Variants in ASCC3 observed in about 807,000 individuals in gnomAD.
ASCC3 encodes activating signal cointegrator 1 complex subunit 3, also known as ASC-1 complex subunit P200.
Under a neutral mutation model 256.3 loss-of-function variants are expected in ASCC3, and 158 were observed. That is an observed-to-expected ratio of 0.62 (90% CI 0.54 to 0.70). The LOEUF is 0.70. Among genes scored for constraint, ASCC3 ranks in the 30% least tolerant of loss-of-function variants. ASCC3 has a pLI of 0.00. For missense variants in ASCC3, 2,259 were observed against 2,626.0 expected, an observed-to-expected ratio of 0.86 and a Z score of 3.05; for synonymous variants, 948 against 883.4, an observed-to-expected ratio of 1.07 and a Z score of -1.30.
At chr6:100,551,424 C>T (rs1468568663) in intron 36 of ASCC3, among the ~76,000 whole-genome samples, 1 of 151,138 alleles carries the variant, frequency 6.6e-6, no homozygotes, top group Non-Finnish European at 1.5e-5. Flanking sequence ...AATTGAAAGA[C>T]AATCAAAATG....
intron 10 of ASCC3, among the ~76,000 whole-genome samples, chr6:100,757,216 G>A (rs1010557392): frequency 1.2e-4 from 17 of 144,404 alleles, no homozygotes; most frequent in African/African-American, 4.2e-4. Context: ...AAACAGTGTA[G>A]TCCTCAAGGA....
intron 37 of ASCC3, among the ~76,000 whole-genome samples, chr6:100,520,614 T>C (rs1446203815): frequency 6.6e-6 from 1 of 152,148 alleles, no homozygotes; most frequent in Non-Finnish European, 1.5e-5. Flanking sequence ...TGAACCTGCA[T>C]ATACAACAGT....
Position 100,653,476 on chromosome 6 carries a change from A to G in ASCC3, c.2824-587T>C, listed in dbSNP as rs535914914. ...AACAAGGAGAAACCCCATCTCTACT[A>G]AAAATACAAAAATTAGCTGGGTATG... On this transcript the variant is annotated intron_variant, in intron 17 of 41. Coordinates refer to ENST00000369162, the MANE Select transcript of ASCC3 (RefSeq NM_006828.4). 7.2e-5 allele frequency among the ~76,000 whole-genome samples: 11 copies of G among 152,010 alleles called. No homozygotes were observed. In the East Asian group the frequency reaches 2.0e-3, roughly 27 times the overall value.
chr6:100,685,087 G>C (rs368957432), intron 13 of ASCC3, among the ~76,000 whole-genome samples: 6 of 152,076 alleles, frequency 3.9e-5, no homozygotes, highest in African/African-American at 1.4e-4. Flanking sequence ...GATTACAGGC[G>C]TGAGCCACCA....
chr6:100,635,863 T>C (rs1774817397), intron 25 of ASCC3, among the ~76,000 whole-genome samples: 2 of 152,176 alleles, frequency 1.3e-5, no homozygotes, highest in African/African-American at 4.8e-5. Context: ...TTAATATGTA[T>C]AATCAAACTA....
intron 17 of ASCC3, among the ~76,000 whole-genome samples, chr6:100,654,016 T>C (rs1281358859): frequency 2.0e-5 from 3 of 152,084 alleles, no homozygotes; most frequent in East Asian, 1.9e-4. Flanking sequence ...AGCTTATTTA[T>C]GTACAAAATA....
chr6:100,544,927 A>G (rs1775636343), intron 36 of ASCC3, among the ~76,000 whole-genome samples: 1 of 152,226 alleles, frequency 6.6e-6, no homozygotes, highest in Non-Finnish European at 1.5e-5. Flanking sequence ...TAGCAAATTT[A>G]ACAATATATA....
At chr6:100,852,276 G>C (rs1772719438) in intron 3 of ASCC3, among the ~76,000 whole-genome samples, 1 of 152,180 alleles carries the variant, frequency 6.6e-6, no homozygotes, top group Non-Finnish European at 1.5e-5. Flanking sequence ...AATGTAATTG[G>C]AAGGGAAACA....
intron 10 of ASCC3, among the ~76,000 whole-genome samples, chr6:100,763,962 A>G (rs1051913858): frequency 6.6e-6 from 1 of 151,884 alleles, no homozygotes; most frequent in Non-Finnish European, 1.5e-5. Flanking sequence ...GTCTAAGTAG[A>G]TTTTTTTGGT....
intron 10 of ASCC3, among the ~76,000 whole-genome samples, chr6:100,746,102 A>G: frequency 6.9e-6 from 1 of 145,286 alleles, no homozygotes; most frequent in Non-Finnish European, 1.5e-5. Context: ...CATGTATAAA[A>G]TCAGTTAACT....
chr6:100,821,934 C>T lies in ASCC3; in HGVS notation c.802-16054G>A, dbSNP rs559503136. 5.3e-5 allele frequency among the ~76,000 whole-genome samples: 8 copies of T among 152,188 alleles called. No individual in the cohort carries two copies. In the South Asian group the frequency reaches 1.0e-3, roughly 20 times the overall value. Reference sequence around the variant, plus strand: ...TCAAGAAAGACCATATTAGATGATTCCATTTGTACAAAGTGTCCAAAATGG... The same window carrying T: ...TCAAGAAAGACCATATTAGATGATTTCATTTGTACAAAGTGTCCAAAATGG... On this transcript the variant is annotated intron_variant, in intron 4 of 41. Transcript: ENST00000369162.
At chr6:100,763,991 A>G (rs1226694712) in intron 10 of ASCC3, among the ~76,000 whole-genome samples, 1 of 152,182 alleles carries the variant, frequency 6.6e-6, no homozygotes, top group Non-Finnish European at 1.5e-5. Flanking sequence ...CTGCTCCTGT[A>G]AAATGGAGGT....
intron 1 of ASCC3, among the ~76,000 whole-genome samples, chr6:100,873,318 C>T (rs1773840565): frequency 6.6e-6 from 1 of 152,002 alleles, no homozygotes; most frequent in Admixed American, 6.6e-5. Context: ...CCCAATCCAA[C>T]AAAGGCAAAT....
chr6:100,839,068 C>T (rs1772016371), intron 4 of ASCC3, among the ~76,000 whole-genome samples: 1 of 151,888 alleles, frequency 6.6e-6, no homozygotes, highest in Admixed American at 6.6e-5. Context: ...TTATTTCTTC[C>T]CCATATCAAT....
Position 100,805,808 on chromosome 6 carries a change from C to T in ASCC3, c.874G>A (p.Asp292Asn). 1 of 1,611,318 alleles carries T rather than the reference C, an allele frequency of 6.2e-7. No individual in the cohort carries two copies. Among genetic ancestry groups the T allele is most frequent in the South Asian group, 1.1e-5 (1 of 90,988 alleles). ...KLLQNRITIV[D>N]RFLNSSNDHR... The stretch of plus-strand genomic sequence containing the variant: ...TCATTTGAAGAATTAAGAAATCTAT[C>T]CACAATTGTAATTCTGTTCTGGAGG... Residue 292 changes from aspartate (D) to asparagine (N), a missense_variant, in exon 5 of 42, where the codon GAT becomes AAT. Transcript: ENST00000369162.
intron 1 of ASCC3, among the ~76,000 whole-genome samples, chr6:100,870,251 T>C (rs1562359101): frequency 6.6e-6 from 1 of 151,684 alleles, no homozygotes. Context: ...TTTTTTCTCA[T>C]GCGTCAGGAG....
chr6:100,822,338 A>C (rs1771086345), intron 4 of ASCC3, among the ~76,000 whole-genome samples: 1 of 152,094 alleles, frequency 6.6e-6, no homozygotes, highest in Non-Finnish European at 1.5e-5. Context: ...GGAGTTCGAG[A>C]CCAACCTGGG....
At chr6:100,878,485 T>A (rs1039080344) in intron 1 of ASCC3, among the ~76,000 whole-genome samples, 12 of 151,882 alleles carry the variant, frequency 7.9e-5, no homozygotes, top group Admixed American at 2.0e-4. Flanking sequence ...TAAAAAAAAA[T>A]ATTTTAACAC....
intron 13 of ASCC3, among the ~76,000 whole-genome samples, chr6:100,696,095 A>T (rs1778069268): frequency 1.3e-5 from 2 of 152,220 alleles, no homozygotes; most frequent in Non-Finnish European, 2.9e-5. Flanking sequence ...TACATTTCTC[A>T]TCTACTCAAT....
Sources: allele counts gnomAD v4.1 joint callset (sites outside exome capture counted in the v4.1 genomes callset), GRCh38; gene constraint gnomAD v4.1.1; transcripts MANE v1.5; gene names NCBI Gene and HGNC (gene_info 2026-07-23, HGNC 2026-07-21).